Variants in BMPER observed in about 807,000 individuals in gnomAD.
BMPER encodes the protein BMP-binding endothelial regulator protein.
Under a neutral mutation model 87.3 loss-of-function variants are expected in BMPER, and 45 were observed. That is an observed-to-expected ratio of 0.52 (90% confidence interval 0.41 to 0.66). The LOEUF (loss-of-function observed/expected upper bound fraction) is 0.66. Among genes scored for constraint, BMPER ranks in the 30% least tolerant of loss-of-function variants. The pLI, the probability that BMPER is intolerant of heterozygous loss-of-function variation, is 0.00. For synonymous variants in BMPER, 326 were observed against 316.2 expected, an observed-to-expected ratio of 1.03 and a Z score of -0.33; for missense variants, 784 against 867.5, an observed-to-expected ratio of 0.90 and a Z score of 1.21.
chr7:33,963,530 A>G (rs1354427344), intron 3 of BMPER, among the ~76,000 whole-genome samples: 2 of 152,218 alleles, frequency 1.3e-5, no homozygotes, highest in African/African-American at 2.4e-5. Context: ...GCGGTGGCTC[A>G]TGCCTGTAAT....
At chr7:33,928,278 G>A (rs1444122174) in intron 2 of BMPER, among the ~76,000 whole-genome samples, 4 of 152,102 alleles carry the variant, frequency 2.6e-5, no homozygotes, top group African/African-American at 9.7e-5. Context: ...TTGCTTTTGG[G>A]AACTGAGCAC....
chr7:34,050,498 A>T (rs1365636423), intron 7 of BMPER, among the ~76,000 whole-genome samples: 1 of 152,168 alleles, frequency 6.6e-6, no homozygotes, highest in South Asian at 2.1e-4. Flanking sequence ...GGAAGACAGC[A>T]TGTTTTTCTT....
rs528555101 is a variant in BMPER, at chr7:33,914,520, A to G, written c.219+7617A>G. On this transcript the variant is annotated intron_variant, in intron 2 of 14. Coordinates refer to ENST00000649409, the MANE Select transcript of BMPER (RefSeq NM_001365308.1). ...GGTGGGTGGGTAGTAATCAGTTTAC[A>G]TGTAATGTGTTGGGCTTGATAGACC... Among the ~76,000 whole-genome samples the G allele has an allele frequency of 3.3e-5, 5 of 152,312 alleles. No individual in the cohort carries two copies. The East Asian group carries it at 7.7e-4, about 24-fold the overall frequency.
At chr7:33,935,534 G>T (rs1480211629) in intron 2 of BMPER, among the ~76,000 whole-genome samples, 1 of 151,902 alleles carries the variant, frequency 6.6e-6, no homozygotes, top group African/African-American at 2.4e-5. Flanking sequence ...AGTAAATGAG[G>T]TCAGCCCCTT....
At chr7:34,012,127 G>T (rs778476155) in intron 6 of BMPER, among the ~76,000 whole-genome samples, 1 of 151,922 alleles carries the variant, frequency 6.6e-6, no homozygotes, top group African/African-American at 2.4e-5. Flanking sequence ...CCAAGAGATT[G>T]TACAAAGGAG....
At chr7:34,152,480 C>T (rs1791202914) in intron 14 of BMPER, among the ~76,000 whole-genome samples, 2 of 152,152 alleles carry the variant, frequency 1.3e-5, no homozygotes, top group African/African-American at 2.4e-5. Flanking sequence ...TTGGCTGTGA[C>T]GTGGCAACAT....
chr7:33,920,196 TTC>T (rs557862415), intron 2 of BMPER, among the ~76,000 whole-genome samples: 3 of 152,294 alleles, frequency 2.0e-5, no homozygotes, highest in Non-Finnish European at 4.4e-5. Context: ...GCTACTTGTC[TTC>T]TCTCACACAG....
chr7:34,058,279 T>C (rs77827400), intron 10 of BMPER, 116 bp downstream of exon 10: 1 of 962,640 alleles, frequency 1.0e-6, no homozygotes, highest in Non-Finnish European at 1.6e-6. Flanking sequence ...GCCTCTACAT[T>C]CCTGACTAGT....
At chr7:34,047,817 CA>C (rs1788025577) in intron 7 of BMPER, among the ~76,000 whole-genome samples, 3 of 67,340 alleles carry the variant, frequency 4.5e-5, no homozygotes, top group Non-Finnish European at 8.9e-5. Flanking sequence ...CTTTCTTCCT[CA>C]CTTTCCTACT....
intron 6 of BMPER, among the ~76,000 whole-genome samples, chr7:34,022,820 A>G (rs1215553310): frequency 6.6e-6 from 1 of 151,860 alleles, no homozygotes; most frequent in African/African-American, 2.4e-5. Flanking sequence ...TTTGTCTCAG[A>G]TACAGTAGTT....
chr7:34,027,504 CA>C (rs893964501), intron 6 of BMPER, among the ~76,000 whole-genome samples: 1 of 151,254 alleles, frequency 6.6e-6, no homozygotes, highest in Non-Finnish European at 1.5e-5. Flanking sequence ...GAGAAGTATG[CA>C]AAAAAAATTG....
chr7:34,000,537 C>T (rs1786553680), intron 6 of BMPER, among the ~76,000 whole-genome samples: 1 of 151,926 alleles, frequency 6.6e-6, no homozygotes, highest in African/African-American at 2.4e-5. Context: ...AAGGTATCTA[C>T]AAAGGAATCT....
intron 13 of BMPER, among the ~76,000 whole-genome samples, chr7:34,136,277 G>A (rs1399115075): frequency 6.6e-6 from 1 of 152,144 alleles, no homozygotes; most frequent in Non-Finnish European, 1.5e-5. Context: ...TGTGACAGTG[G>A]TGTTTTTTGT....
chr7:34,009,174 G>A (rs181759498), intron 6 of BMPER, among the ~76,000 whole-genome samples: 1 of 151,702 alleles, frequency 6.6e-6, no homozygotes, highest in Non-Finnish European at 1.5e-5. Context: ...CAAGTAGCTG[G>A]GACTACAACC....
At chr7:33,972,134 ACCTCGTGGT>A (rs931832936) in intron 5 of BMPER, among the ~76,000 whole-genome samples, 4 of 151,076 alleles carry the variant, frequency 2.6e-5, no homozygotes, top group Admixed American at 1.3e-4. Flanking sequence ...TGATCTCCTG[ACCTCGTGGT>A]CCACCCTCCT....
chr7:33,946,330 A>G (rs1298509660), intron 3 of BMPER, among the ~76,000 whole-genome samples: 1 of 152,234 alleles, frequency 6.6e-6, no homozygotes, highest in African/African-American at 2.4e-5. Flanking sequence ...TTGGGTAGGA[A>G]CACAGCCAAA....
intron 12 of BMPER, among the ~76,000 whole-genome samples, chr7:34,084,185 C>T (rs1016973870): frequency 6.6e-6 from 1 of 152,106 alleles, no homozygotes; most frequent in African/African-American, 2.4e-5. Context: ...CTTGTAGTCC[C>T]AGCTACTCGG....
chr7:34,124,329 T>G (rs1790342755), intron 13 of BMPER, among the ~76,000 whole-genome samples: 2 of 152,276 alleles, frequency 1.3e-5, no homozygotes, highest in South Asian at 4.1e-4. Context: ...ATATTATTAA[T>G]ACATAATTCA....
chr7:34,066,106 G>A (rs1788581435), intron 11 of BMPER, among the ~76,000 whole-genome samples: 1 of 152,178 alleles, frequency 6.6e-6, no homozygotes, highest in Non-Finnish European at 1.5e-5. Context: ...GTGTTTGGGG[G>A]CTGTCTCAGA....
Sources: allele counts gnomAD v4.1 joint callset (sites outside exome capture counted in the v4.1 genomes callset), GRCh38; gene constraint gnomAD v4.1.1; transcripts MANE v1.5; gene names NCBI Gene and HGNC (gene_info 2026-07-23, HGNC 2026-07-21).